The following LMO1 variants were observed in gnomAD, a reference collection of about 807,000 sequenced individuals.
LMO1 encodes rhombotin-1.
In LMO1, 10 loss-of-function variants were observed where a neutral mutation model predicts 18.0. The observed-to-expected ratio is 0.55, with a 90% CI of 0.34 to 0.94. LMO1 has a LOEUF of 0.94. Among genes scored for constraint, LMO1 ranks in the 40% least tolerant of loss-of-function variants. The pLI is 0.02. For synonymous variants in LMO1, 77 were observed against 77.9 expected, an observed-to-expected ratio of 0.99 and a Z score of 0.06; for missense variants, 183 against 205.7, an observed-to-expected ratio of 0.89 and a Z score of 0.68.
At chr11:8,263,979 A>G (rs1459697607), upstream of LMO1, 5 of 598,004 alleles carry the variant, frequency 8.4e-6, no homozygotes, top group Non-Finnish European at 1.1e-5. Context: ...CCGGCTCCGC[A>G]GCGCCACCTG....
intron 1 of LMO1, among the ~76,000 whole-genome samples, chr11:8,244,034 C>A (rs897863436): frequency 6.6e-6 from 1 of 152,230 alleles, no homozygotes; most frequent in Admixed American, 6.5e-5. Flanking sequence ...TAGCTCCCAA[C>A]TTTAAGCCAT....
intron 1 of LMO1, among the ~76,000 whole-genome samples, chr11:8,232,175 T>C (rs1390613425): frequency 1.3e-5 from 2 of 152,040 alleles, no homozygotes; most frequent in East Asian, 1.9e-4. Flanking sequence ...CTCCTCCTTC[T>C]CCTCCCTGCA....
chr11:8,260,600 G>T (rs560371605), intron 1 of LMO1, among the ~76,000 whole-genome samples: 1 of 151,626 alleles, frequency 6.6e-6, no homozygotes, highest in Non-Finnish European at 1.5e-5. Flanking sequence ...TTTTTCTGAC[G>T]ATTCAATACT....
At chr11:8,227,400 C>T (rs1000848518) in intron 2 of LMO1, among the ~76,000 whole-genome samples, 15 of 152,220 alleles carry the variant, frequency 9.9e-5, no homozygotes, top group African/African-American at 3.6e-4. Flanking sequence ...GCCCTGGAGC[C>T]ACCAAGAGAA....
intron 1 of LMO1, among the ~76,000 whole-genome samples, chr11:8,241,712 G>A (rs1846796193): frequency 6.6e-6 from 1 of 151,126 alleles, no homozygotes. Flanking sequence ...ATTTAAATGA[G>A]CTCCCCACAC....
chr11:8,238,077 T>C (rs926224718), intron 1 of LMO1, among the ~76,000 whole-genome samples: 1 of 152,302 alleles, frequency 6.6e-6, no homozygotes, highest in South Asian at 2.1e-4. Flanking sequence ...CCAACAGAAA[T>C]GAGAGCTTAT....
chr11:8,225,747 T>C (rs1254796978), intron 3 of LMO1, among the ~76,000 whole-genome samples: 1 of 152,116 alleles, frequency 6.6e-6, no homozygotes, highest in East Asian at 1.9e-4. Flanking sequence ...AGATCCCAGT[T>C]CAACCACCAG....
chr11:8,233,953 T>C (rs1952717074), intron 1 of LMO1, among the ~76,000 whole-genome samples: 1 of 152,218 alleles, frequency 6.6e-6, no homozygotes, highest in South Asian at 2.1e-4. Context: ...TTTTAAAGCA[T>C]TACCCAGTAA....
At chr11:8,226,825 G>T (rs796720290) in intron 3 of LMO1, 150 bp downstream of exon 3, 2 of 1,372,404 alleles carry the variant, frequency 1.5e-6, no homozygotes, top group Non-Finnish European at 1.9e-6. Context: ...AACACATAAA[G>T]CACATGCACG....
intron 1 of LMO1, among the ~76,000 whole-genome samples, chr11:8,250,526 C>A (rs188818199): frequency 6.6e-6 from 1 of 152,362 alleles, no homozygotes; most frequent in Non-Finnish European, 1.5e-5. Context: ...TTGAACTCTG[C>A]ATTTGGGTGG....
intron 1 of LMO1, among the ~76,000 whole-genome samples, chr11:8,231,623 A>G (rs956134972): frequency 2.0e-5 from 3 of 152,114 alleles, no homozygotes; most frequent in Non-Finnish European, 4.4e-5. Context: ...GAGCGTGTGC[A>G]TGCTCCGTTC....
chr11:8,263,314 T>C, intron 1 of LMO1, 24 bp downstream of exon 1: 1 of 1,595,332 alleles, frequency 6.3e-7, no homozygotes, highest in Non-Finnish European at 8.5e-7. Flanking sequence ...GTGAGGGGCG[T>C]CGAGACCCCG....
chr11:8,239,544 G>A (rs936013896), intron 1 of LMO1, among the ~76,000 whole-genome samples: 4 of 152,106 alleles, frequency 2.6e-5, no homozygotes, highest in African/African-American at 7.2e-5. Context: ...GATGGCACAC[G>A]TCCTCAGGAG....
chr11:8,265,725 C>T (rs1221872918), upstream of LMO1, among the ~76,000 whole-genome samples: 1 of 152,196 alleles, frequency 6.6e-6, no homozygotes, highest in Non-Finnish European at 1.5e-5. Context: ...CCCTCACACC[C>T]ACCAGAGCTG....
chr11:8,244,068 G>C (rs894166726), intron 1 of LMO1, among the ~76,000 whole-genome samples: 1 of 152,218 alleles, frequency 6.6e-6, no homozygotes, highest in African/African-American at 2.4e-5. Flanking sequence ...AAACATGAAT[G>C]AGTGTGAACC....
At chr11:8,227,499 G>C (rs1952570038) in intron 2 of LMO1, among the ~76,000 whole-genome samples, 1 of 152,206 alleles carries the variant, frequency 6.6e-6, no homozygotes, top group South Asian at 2.1e-4. Flanking sequence ...GAGTCTCTCT[G>C]AGCCTCATTT....
At position 8,227,047 on chromosome 11, in the gene LMO1, A is replaced by G. The variant is rs1191777598; in HGVS notation, c.293T>C (p.Phe98Ser). Residue 98 changes from phenylalanine to serine, a missense_variant, in exon 3 of 4, where the codon TTC becomes TCC. Phe to Ser is a radical substitution (Grantham distance 155). Coordinates refer to ENST00000335790, the MANE Select transcript of LMO1 (RefSeq NM_002315.3). Reference sequence around the variant, plus strand: ...GTCCCGGGCCCGCATCACCATCTCGAAGGCTGGGATCAGCTTGCTGCAAGC... The same window carrying G: ...GTCCCGGGCCCGCATCACCATCTCGGAGGCTGGGATCAGCTTGCTGCAAGC... ...CAACSKLIPA[F>S]EMVMRARDNV... 2.5e-6 allele frequency: 4 copies of G among 1,613,792 alleles called. No homozygotes were observed. The highest frequency in any genetic ancestry group is 1.3e-5 in the African/African-American group (1 of 74,920).
intron 1 of LMO1, among the ~76,000 whole-genome samples, chr11:8,233,478 C>G (rs1329397563): frequency 6.6e-6 from 1 of 152,182 alleles, no homozygotes; most frequent in Admixed American, 6.5e-5. Flanking sequence ...TGGAAGAGCT[C>G]TGGGGGTCAA....
At chr11:8,255,561 G>C (rs1374502186) in intron 1 of LMO1, among the ~76,000 whole-genome samples, 1 of 152,132 alleles carries the variant, frequency 6.6e-6, no homozygotes, top group Non-Finnish European at 1.5e-5. Flanking sequence ...ATAAGAACAA[G>C]TCGGACAAGC....
Sources: allele counts gnomAD v4.1 joint callset (sites outside exome capture counted in the v4.1 genomes callset), GRCh38; gene constraint gnomAD v4.1.1; transcripts MANE v1.5; gene names NCBI Gene and HGNC (gene_info 2026-07-23, HGNC 2026-07-21).